Variants in CRACR2A observed in about 807,000 individuals in gnomAD.
CRACR2A encodes EF-hand calcium-binding domain-containing protein 4B.
CRACR2A carries 79 observed loss-of-function variants against 90.5 expected under a neutral mutation model. The observed-to-expected ratio is 0.87, with a 90% CI of 0.73 to 1.05. The LOEUF is 1.05. Among genes scored for constraint, CRACR2A ranks in the 50% least tolerant of loss-of-function variants. The pLI is 0.00. For missense variants in CRACR2A, 823 were observed against 897.2 expected, an observed-to-expected ratio of 0.92 and a Z score of 1.06; for synonymous variants, 338 against 356.7, an observed-to-expected ratio of 0.95 and a Z score of 0.59.
In CRACR2A at chr12:3,689,387, G is replaced by A. The variant is rs940109242; in HGVS notation, c.228+7385C>T. On this transcript the variant is annotated intron_variant, in intron 4 of 19. Coordinates refer to ENST00000440314, the MANE Select transcript of CRACR2A (RefSeq NM_001144958.2). ...GTTCCTTCAATACCTAGTTTGTTGA[G>A]AGTTTTTAACATGAGGTGCTGTTGA... 4.6e-5 allele frequency among the ~76,000 whole-genome samples: 7 copies of A among 152,288 alleles called. No individual in the cohort carries two copies. In the East Asian group the frequency reaches 9.6e-4, roughly 21 times the overall value.
chr12:3,719,913 T>C (rs1468716380), intron 2 of CRACR2A, among the ~76,000 whole-genome samples: 1 of 150,734 alleles, frequency 6.6e-6, no homozygotes, highest in Non-Finnish European at 1.5e-5. Context: ...AGGTCAGGAG[T>C]TCAAGACCAG....
intron 7 of CRACR2A, chr12:3,672,967 G>T (rs553948065): frequency 5.1e-6 from 1 of 197,918 alleles, no homozygotes. Context: ...GGCTGATCTG[G>T]CCCTGGGGGA....
intron 4 of CRACR2A, among the ~76,000 whole-genome samples, chr12:3,683,813 C>T (rs552273238): frequency 1.2e-4 from 18 of 152,318 alleles, no homozygotes; most frequent in Non-Finnish European, 2.4e-4. Flanking sequence ...CATAGATAAG[C>T]GCTTGACTAA....
chr12:3,708,854 T>C (rs1444099758), intron 3 of CRACR2A, among the ~76,000 whole-genome samples: 1 of 152,196 alleles, frequency 6.6e-6, no homozygotes, highest in Non-Finnish European at 1.5e-5. Context: ...TGCGATATAT[T>C]CTCCCAGTTC....
chr12:3,631,776 G>C (rs1944379637), intron 15 of CRACR2A, among the ~76,000 whole-genome samples: 1 of 152,170 alleles, frequency 6.6e-6, no homozygotes, highest in African/African-American at 2.4e-5. Flanking sequence ...ACCTAGGCAG[G>C]GACCCCTCTC....
At chr12:3,624,022 T>G (rs1027906214) in intron 17 of CRACR2A, among the ~76,000 whole-genome samples, 1 of 152,198 alleles carries the variant, frequency 6.6e-6, no homozygotes, top group Non-Finnish European at 1.5e-5. Context: ...CCTTGTTGAA[T>G]GATTGGCCAA....
Position 3,638,209 on chromosome 12 carries a change from T to G in CRACR2A, c.1517A>C (p.Gln506Pro), listed in dbSNP as rs942336076. Residue 506 changes from glutamine (Q) to proline (P), a missense_variant, in exon 14 of 20, where the codon CAG becomes CCG. Gln to Pro is a moderately conservative substitution (Grantham distance 76). Coordinates refer to ENST00000440314, the MANE Select transcript of CRACR2A (RefSeq NM_001144958.2). ...EEEEVSDQGVQGQIPEAPPLK... is the reference protein window; with the variant it reads ...EEEEVSDQGVPGQIPEAPPLK... ...GGGTGGGGCCTCCGGGATTTGTCCC[T>G]GTACCCCCTGGTCAGAGACCTCTTC... 3.2e-6 allele frequency: 5 copies of G among 1,551,574 alleles called. No individual in the cohort carries two copies. Among genetic ancestry groups the G allele is most frequent in the Non-Finnish European group, 4.4e-6 (5 of 1,146,988 alleles).
chr12:3,631,712 G>A (rs998105994), intron 15 of CRACR2A, among the ~76,000 whole-genome samples: 2 of 152,184 alleles, frequency 1.3e-5, no homozygotes, highest in African/African-American at 4.8e-5. Flanking sequence ...AGATATTCCA[G>A]GTGTGATAAC....
chr12:3,668,756 A>T (rs55856917), intron 7 of CRACR2A, among the ~76,000 whole-genome samples: 22,468 of 152,160 alleles, frequency 0.15, 1,842 homozygotes, highest in South Asian at 0.26. Context: ...TCCCTCCTGG[A>T]CTGGACACCT....
At chr12:3,668,396 C>A (rs891490154) in intron 7 of CRACR2A, among the ~76,000 whole-genome samples, 1 of 152,260 alleles carries the variant, frequency 6.6e-6, no homozygotes, top group Middle Eastern at 3.4e-3. Context: ...TGGGCCCCTT[C>A]CCTGAGACGC....
intron 4 of CRACR2A, among the ~76,000 whole-genome samples, chr12:3,696,072 C>A (rs1945734951): frequency 1.3e-5 from 2 of 152,242 alleles, no homozygotes; most frequent in Non-Finnish European, 2.9e-5. Context: ...AAAATTCAAA[C>A]TTCCTTGTCC....
At chr12:3,680,171 G>A in intron 5 of CRACR2A, 67 bp downstream of exon 5, 1 of 1,334,818 alleles carries the variant, frequency 7.5e-7, no homozygotes. Context: ...CAAGGGACAG[G>A]AATGCACCTT....
chr12:3,632,155 T>G (rs1430547512), intron 15 of CRACR2A, among the ~76,000 whole-genome samples: 1 of 152,144 alleles, frequency 6.6e-6, no homozygotes, highest in Non-Finnish European at 1.5e-5. Flanking sequence ...GTACCTCCCC[T>G]GTCCTCTCTT....
chr12:3,731,095 G>T (rs949338173), intron 2 of CRACR2A: 1 of 152,210 alleles, frequency 6.6e-6, no homozygotes, highest in African/African-American at 2.4e-5. Context: ...AGCTTTACTA[G>T]GTGTGGAGAC....
At chr12:3,733,973 A>ATTTTTTTTTTTTTTTT (rs1166347439) in intron 1 of CRACR2A, among the ~76,000 whole-genome samples, 1 of 99,796 alleles carries the variant, frequency 1.0e-5, no homozygotes, top group Non-Finnish European at 2.0e-5. Flanking sequence ...ATTTTGCCTT[A>ATTTTTTTTTTTTTTTT]TTTTTTTTTT....
At chr12:3,659,865 T>C (rs779864650) in intron 7 of CRACR2A, among the ~76,000 whole-genome samples, 1 of 152,178 alleles carries the variant, frequency 6.6e-6, no homozygotes, top group African/African-American at 2.4e-5. Flanking sequence ...GACCTGCCCC[T>C]GCAACTGTTA....
chr12:3,665,838 T>C (rs1945125271), intron 7 of CRACR2A, among the ~76,000 whole-genome samples: 1 of 152,350 alleles, frequency 6.6e-6, no homozygotes, highest in South Asian at 2.1e-4. Flanking sequence ...TTGAAAAGTG[T>C]TGATGAAGCC....
At chr12:3,750,875 G>C (rs1275589712) in intron 1 of CRACR2A, among the ~76,000 whole-genome samples, 1 of 152,120 alleles carries the variant, frequency 6.6e-6, no homozygotes, top group Non-Finnish European at 1.5e-5. Context: ...CACTGCCCCA[G>C]TGCTGGGGCC....
intron 6 of CRACR2A, among the ~76,000 whole-genome samples, chr12:3,678,661 G>A (rs889265769): frequency 6.6e-6 from 1 of 152,040 alleles, no homozygotes; most frequent in Non-Finnish European, 1.5e-5. Flanking sequence ...GAAGGTAGAG[G>A]GGGTGGGAGA....
Sources: allele counts gnomAD v4.1 joint callset (sites outside exome capture counted in the v4.1 genomes callset), GRCh38; gene constraint gnomAD v4.1.1; transcripts MANE v1.5; gene names NCBI Gene and HGNC (gene_info 2026-07-23, HGNC 2026-07-21).